Variants in FXYD6 observed in about 807,000 individuals in gnomAD.
FXYD6 encodes FXYD domain containing ion transport regulator 6.
In FXYD6, 7 loss-of-function variants were observed where a neutral mutation model predicts 16.7. That is an observed-to-expected ratio of 0.42 (90% confidence interval 0.24 to 0.79). FXYD6 has a LOEUF of 0.79. FXYD6 is among the 30% of genes least tolerant of loss of function. The pLI, the probability that FXYD6 is intolerant of heterozygous loss-of-function variation, is 0.28. For missense variants in FXYD6, 111 were observed against 116.2 expected (o/e 0.95, Z 0.21); for synonymous variants, 49 against 43.0 (o/e 1.14, Z -0.54).
intron 1 of FXYD6, among the ~76,000 whole-genome samples, chr11:117,864,491 A>C (rs573304205): frequency 1.3e-5 from 2 of 152,232 alleles, no homozygotes; most frequent in Non-Finnish European, 2.9e-5. Context: ...AAACTCTTAG[A>C]AAAAAACACA....
intron 1 of FXYD6, among the ~76,000 whole-genome samples, chr11:117,851,123 C>A (rs1284706868): frequency 6.6e-6 from 1 of 152,198 alleles, no homozygotes; most frequent in Non-Finnish European, 1.5e-5. Context: ...TAGTAGCCAG[C>A]CTGCAAGACA....
At chr11:117,859,397 T>C (rs2056852323) in intron 1 of FXYD6, among the ~76,000 whole-genome samples, 1 of 152,160 alleles carries the variant, frequency 6.6e-6, no homozygotes, top group Admixed American at 6.5e-5. Context: ...GCCTGCATCA[T>C]AGGAGCCCTT....
In FXYD6 at chr11:117,856,161, C is replaced by T. The variant is rs186564830; in HGVS notation, c.-5-13380G>A. Among the ~76,000 whole-genome samples, 44 of 152,268 alleles carry T rather than the reference C, an allele frequency of 2.9e-4. 1 individual carries two copies. In the Middle Eastern group the frequency reaches 0.02, roughly 71 times the overall value. On this transcript the variant is annotated intron_variant, in intron 1 of 7. Coordinates refer to ENST00000526014, the MANE Select transcript of FXYD6 (RefSeq NM_022003.4). ...GAAGAGTTTCTCCGGCAATTATCTT[C>T]CCATACTGAGTCACATAATTTCACT...
At chr11:117,871,407 G>T (rs1033100069) in intron 1 of FXYD6, among the ~76,000 whole-genome samples, 1 of 151,194 alleles carries the variant, frequency 6.6e-6, no homozygotes, top group Admixed American at 6.6e-5. Context: ...ACTGTGCCAG[G>T]CACCGTGGGG....
In FXYD6 at chr11:117,837,219, C is replaced by T. The variant is rs2056219399; in HGVS notation, c.*1080G>A. 6.6e-6 allele frequency: 1 copy of T among 152,208 alleles called. No homozygotes were observed. Among genetic ancestry groups the T allele is most frequent in the Non-Finnish European group, 1.5e-5 (1 of 68,072 alleles). 9.4% of individuals were successfully genotyped at this position (152,208 alleles called of 1,614,324 possible). On this transcript the variant is annotated 3_prime_UTR_variant, in exon 8 of 8. Coordinates refer to ENST00000526014, the MANE Select transcript of FXYD6 (RefSeq NM_022003.4). This position sits in a 1 kb window ranked among gnomAD's most constrained non-coding sequence, Gnocchi z 4.4. The stretch of plus-strand genomic sequence containing the variant: ...AACCCACCTCGCTCACCGCTCTGAC[C>T]ACTGACAGGCAGAGCAAAGGATGCG...
intron 1 of FXYD6, among the ~76,000 whole-genome samples, chr11:117,857,151 G>C (rs1395686924): frequency 6.6e-6 from 1 of 152,182 alleles, no homozygotes; most frequent in Non-Finnish European, 1.5e-5. Context: ...AGGTGACAGT[G>C]CTGGCTTCAG....
At chr11:117,842,226 G>T in intron 2 of FXYD6, 198 bp from the exon 3 acceptor site, 1 of 690,910 alleles carries the variant, frequency 1.4e-6, no homozygotes, top group Non-Finnish European at 2.4e-6. Context: ...GCCGAGGTCA[G>T]TGAAGGCATC....
intron 4 of FXYD6, 38 bp downstream of exon 4, chr11:117,841,753 C>A (rs2056350095): frequency 1.2e-6 from 2 of 1,610,562 alleles, no homozygotes; most frequent in African/African-American, 2.7e-5. Flanking sequence ...CAGCCTCAGT[C>A]ATTGCTCTTA....
chr11:117,864,490 GAA>G (rs759922906), intron 1 of FXYD6, among the ~76,000 whole-genome samples: 1 of 151,850 alleles, frequency 6.6e-6, no homozygotes, highest in Non-Finnish European at 1.5e-5. Context: ...AAAACTCTTA[GAA>G]AAAAACACAG....
chr11:117,874,341 T>G (rs1483866906), intron 1 of FXYD6, among the ~76,000 whole-genome samples: 1 of 152,106 alleles, frequency 6.6e-6, no homozygotes, highest in South Asian at 2.1e-4. Flanking sequence ...CTGTCAACCA[T>G]AGAAGCCACA....
chr11:117,855,546 C>T (rs1265841355), intron 1 of FXYD6, among the ~76,000 whole-genome samples: 1 of 152,188 alleles, frequency 6.6e-6, no homozygotes, highest in Non-Finnish European at 1.5e-5. Context: ...AGTGACCACA[C>T]ATTCCTTTCT....
intron 1 of FXYD6, among the ~76,000 whole-genome samples, chr11:117,853,108 G>A (rs756634864): frequency 6.6e-6 from 1 of 152,094 alleles, no homozygotes; most frequent in Non-Finnish European, 1.5e-5. Flanking sequence ...TAAATCCTTG[G>A]GGGTCAAAAT....
chr11:117,843,673 A>T (rs1216241000), intron 1 of FXYD6: 1 of 152,148 alleles, frequency 6.6e-6, no homozygotes, highest in Admixed American at 6.5e-5. Flanking sequence ...AAAAGTCCCC[A>T]AGTCAGCTCT....
At position 117,843,073 on chromosome 11, in the gene FXYD6, A is replaced by G. The variant is rs117959534; in HGVS notation, c.-5-292T>C. Among the ~76,000 whole-genome samples the G allele has an allele frequency of 3.3e-5, 5 of 152,280 alleles. No homozygotes were observed. In the East Asian group the frequency reaches 9.7e-4, roughly 29 times the overall value. ...CTCAGCCTCCTGAGTAGCTGGCATT[A>G]GAGGCGTGTGCCATCATGCCCGGCT... On this transcript the variant is annotated intron_variant, in intron 1 of 7. Transcript: ENST00000526014.
At chr11:117,860,254 C>A (rs1348437301) in intron 1 of FXYD6, among the ~76,000 whole-genome samples, 2 of 152,074 alleles carry the variant, frequency 1.3e-5, no homozygotes, top group Non-Finnish European at 2.9e-5. Flanking sequence ...CATTTGGGGG[C>A]AAAGAGCCAT....
intron 1 of FXYD6, among the ~76,000 whole-genome samples, chr11:117,874,490 C>G (rs983644908): frequency 6.6e-6 from 1 of 152,192 alleles, no homozygotes. Flanking sequence ...CCCCAGGCAA[C>G]GGCGGGTAGC....
intron 1 of FXYD6, among the ~76,000 whole-genome samples, chr11:117,875,516 G>A (rs767165041): frequency 1.3e-5 from 2 of 152,128 alleles, no homozygotes; most frequent in African/African-American, 2.4e-5. Flanking sequence ...GGCAAGTCAC[G>A]TGCAAAAGGC....
chr11:117,840,377 G>A lies in FXYD6; in HGVS notation c.210-9C>T, dbSNP rs71482118. ...CCTCATCTCCTGGGGCCCTGCAGGAGAAAGAGACACACAGCCCCATCAGAG... is the reference window on the plus strand; with the variant it reads ...CCTCATCTCCTGGGGCCCTGCAGGAAAAAGAGACACACAGCCCCATCAGAG... On this transcript the variant is annotated splice_polypyrimidine_tract_variant and intron_variant, in intron 5 of 7. Coordinates refer to ENST00000526014, the MANE Select transcript of FXYD6 (RefSeq NM_022003.4). The A allele has an allele frequency of 0.056, 90,834 of 1,613,904 alleles. 3,114 individuals carry two copies. The highest frequency in any genetic ancestry group is 0.15 in the African/African-American group (11,561 of 74,996).
chr11:117,866,275 T>TA (rs1452287304), intron 1 of FXYD6, among the ~76,000 whole-genome samples: 1 of 151,874 alleles, frequency 6.6e-6, no homozygotes, highest in African/African-American at 2.4e-5. Flanking sequence ...AATGTACACT[T>TA]AAAAATCATA....
Sources: allele counts gnomAD v4.1 joint callset (sites outside exome capture counted in the v4.1 genomes callset), GRCh38; gene constraint gnomAD v4.1.1; non-coding constraint Gnocchi (gnomAD v3.1); transcripts MANE v1.5; gene names NCBI Gene and HGNC (gene_info 2026-07-23, HGNC 2026-07-21).